SCP2: variants seen among roughly 807,000 people sequenced by gnomAD.
The protein encoded by SCP2 is sterol carrier protein 2.
Under a neutral mutation model 71.4 loss-of-function variants are expected in SCP2, and 48 were observed. That is an observed-to-expected ratio of 0.67 (90% CI 0.53 to 0.86). SCP2 has a LOEUF of 0.86. Among genes scored for constraint, SCP2 ranks in the 40% least tolerant of loss-of-function variants. The pLI is 0.00. For missense variants in SCP2, 560 were observed against 655.6 expected, an observed-to-expected ratio of 0.85 and a Z score of 1.59; for synonymous variants, 220 against 218.1, an observed-to-expected ratio of 1.01 and a Z score of -0.08.
Position 52,950,772 on chromosome 1 carries a change from C to T in SCP2, c.217C>T (p.Gln73Ter), listed in dbSNP as rs758502323. The change falls in exon 4 of 16, where the codon CAG becomes TAG. Residue 73 changes from glutamine (Q) to a stop codon, truncating the protein, a stop_gained. Transcript: ENST00000371514. LOFTEE classifies it high-confidence loss of function. ...GYVFGDSTCG[Q>*]RAIYHSLGMT... ...CTATTCAGGTGACTCTACCTGTGGG[C>T]AGAGGGCTATCTATCACAGTTTGGG... 6.2e-7 allele frequency: 1 copy of T among 1,613,354 alleles called. No homozygotes were observed. The highest frequency in any genetic ancestry group is 2.2e-5 in the East Asian group (1 of 44,870).
At chr1:52,963,045 GAAAA>G (rs58091659) in intron 6 of SCP2, among the ~76,000 whole-genome samples, 3 of 111,550 alleles carry the variant, frequency 2.7e-5, no homozygotes, top group Non-Finnish European at 5.8e-5. Context: ...AAGGATAAAA[GAAAA>G]AAAAAAAAAA....
intron 10 of SCP2, among the ~76,000 whole-genome samples, chr1:52,983,431 C>T (rs1005419351): frequency 6.6e-6 from 1 of 152,164 alleles, no homozygotes; most frequent in Non-Finnish European, 1.5e-5. Flanking sequence ...TCCTCCTCTT[C>T]TTCTGGACTT....
intron 11 of SCP2, among the ~76,000 whole-genome samples, chr1:52,989,545 G>A (rs1410410419): frequency 6.6e-6 from 1 of 152,180 alleles, no homozygotes; most frequent in Non-Finnish European, 1.5e-5. Flanking sequence ...GAGCAAGTCA[G>A]AACAGAGTTG....
chr1:53,002,229 T>C lies in SCP2; in HGVS notation c.1082-12661T>C, dbSNP rs182365137. Among the ~76,000 whole-genome samples the C allele has an allele frequency of 2.4e-3, 372 of 152,168 alleles. 1 individual carries two copies. The highest frequency in any genetic ancestry group is 0.017 in the Middle Eastern group (5 of 294). ...AGAAAGAAAAAAGAAAAAAATATCTTCCCTATTTAAGAGCCTATGAAGTCA... is the reference window on the plus strand; with the variant it reads ...AGAAAGAAAAAAGAAAAAAATATCTCCCCTATTTAAGAGCCTATGAAGTCA... On this transcript the variant is annotated intron_variant, in intron 11 of 15. Transcript: ENST00000371514.
chr1:52,968,552 T>C (rs1657180893), intron 6 of SCP2, among the ~76,000 whole-genome samples: 1 of 152,328 alleles, frequency 6.6e-6, no homozygotes, highest in South Asian at 2.1e-4. Context: ...AATTCAGTGA[T>C]TTTTAATATA....
chr1:53,008,054 A>T (rs1189127566), intron 11 of SCP2, among the ~76,000 whole-genome samples: 1 of 152,200 alleles, frequency 6.6e-6, no homozygotes. Flanking sequence ...TCCTGGACAC[A>T]TACACCCTCC....
rs370374651 is a variant in SCP2, at chr1:52,990,682, C to T, written c.1081+2546C>T. On this transcript the variant is annotated intron_variant, in intron 11 of 15. Transcript: ENST00000371514. Reference sequence around the variant, plus strand: ...CCGGGAGGCGGAGCCTGCAGTGAGCCGAGATCATGCCACTGCACTCCAGCC... The same window carrying T: ...CCGGGAGGCGGAGCCTGCAGTGAGCTGAGATCATGCCACTGCACTCCAGCC... Among the ~76,000 whole-genome samples, 154 of 137,748 alleles carry T rather than the reference C, an allele frequency of 1.1e-3. 4 individuals are homozygous for T. The East Asian group carries it at 0.03, about 27-fold the overall frequency. 90.4% of individuals were successfully genotyped at this position (137,748 alleles called of 152,430 possible).
intron 10 of SCP2, 126 bp from the exon 11 acceptor site, chr1:52,987,903 G>C: frequency 1.5e-6 from 1 of 657,322 alleles, no homozygotes; most frequent in Admixed American, 2.5e-5. Context: ...TCAAATTATT[G>C]TTAGTTTGAA....
At chr1:53,038,840 A>G (rs1663206991) in intron 13 of SCP2, 77 bp from the exon 14 acceptor site, 1 of 1,572,286 alleles carries the variant, frequency 6.4e-7, no homozygotes, top group South Asian at 1.1e-5. Context: ...TCATGTATCT[A>G]TTTAAACATG....
At chr1:52,994,874 A>G (rs954241187) in intron 11 of SCP2, 2 of 511,006 alleles carry the variant, frequency 3.9e-6, no homozygotes, top group African/African-American at 3.9e-5. Flanking sequence ...GTCTCCATGT[A>G]CTACAGTGAA....
At chr1:53,018,831 T>C (rs970907496) in intron 12 of SCP2, among the ~76,000 whole-genome samples, 1 of 152,118 alleles carries the variant, frequency 6.6e-6, no homozygotes, top group Non-Finnish European at 1.5e-5. Context: ...GTCCCAATAA[T>C]ATATTTATAA....
intron 11 of SCP2, among the ~76,000 whole-genome samples, chr1:53,004,602 T>A (rs1238856908): frequency 6.6e-6 from 1 of 152,234 alleles, no homozygotes; most frequent in Non-Finnish European, 1.5e-5. Flanking sequence ...TATTTTGTGA[T>A]ATTCACCGCC....
intron 14 of SCP2, among the ~76,000 whole-genome samples, chr1:53,042,642 A>G (rs537866801): frequency 6.6e-6 from 1 of 152,320 alleles, no homozygotes; most frequent in Non-Finnish European, 1.5e-5. Flanking sequence ...TTTTACATCA[A>G]CCAACAAATG....
At position 53,038,221 on chromosome 1, in the gene SCP2, T is replaced by TTA. The variant is rs1319996948; in HGVS notation, c.1339-686_1339-685dup. ...GTTTATATATATACCATTTATACGCTTATATATATATGTCATTTATATATG... is the reference window on the plus strand; with the variant it reads ...GTTTATATATATACCATTTATACGCTTATATATATATATGTCATTTATATATG... On this transcript the variant is annotated intron_variant, in intron 13 of 15. Transcript: ENST00000371514. 9.6e-4 allele frequency among the ~76,000 whole-genome samples: 145 copies of TTA among 150,846 alleles called. 1 individual carries two copies. Among genetic ancestry groups the TTA allele is most frequent in the African/African-American group, 3.3e-3 (137 of 41,156 alleles).
At chr1:53,012,365 C>T (rs1211578916) in intron 11 of SCP2, among the ~76,000 whole-genome samples, 1 of 152,214 alleles carries the variant, frequency 6.6e-6, no homozygotes, top group East Asian at 1.9e-4. Flanking sequence ...TGAACTTAAG[C>T]ATAAAATGGA....
At chr1:53,012,325 A>G (rs182969350) in intron 11 of SCP2, among the ~76,000 whole-genome samples, 6 of 152,342 alleles carry the variant, frequency 3.9e-5, no homozygotes, top group Non-Finnish European at 7.3e-5. Context: ...TTGTCCAATC[A>G]TATTTCTATA....
chr1:52,957,433 A>AT (rs942522527), intron 5 of SCP2, among the ~76,000 whole-genome samples: 5 of 151,944 alleles, frequency 3.3e-5, no homozygotes, highest in East Asian at 3.9e-4. Flanking sequence ...AAACAATTCA[A>AT]TTTTTTTTTC....
chr1:53,010,341 T>C (rs4926942), intron 11 of SCP2, among the ~76,000 whole-genome samples: 27,148 of 152,042 alleles, frequency 0.18, 5,259 homozygotes, highest in African/African-American at 0.49. Context: ...ATGTTTATTG[T>C]GGCACTATTC....
chr1:52,961,665 TAGTTATATACA>T, intron 6 of SCP2, 36 bp downstream of exon 6: 2 of 1,564,806 alleles, frequency 1.3e-6, no homozygotes, highest in Non-Finnish European at 1.8e-6. Flanking sequence ...GGCTTCTTAC[TAGTTATATACA>T]TGAGATGAGA....
Sources: gnomAD v4.1 joint callset for allele counts (sites outside exome capture counted in the v4.1 genomes callset) on GRCh38, gnomAD v4.1.1 for gene constraint, MANE v1.5 for transcripts, NCBI Gene and HGNC (gene_info 2026-07-23, HGNC 2026-07-21) for gene names.